FMOD: variants seen among roughly 807,000 people sequenced by gnomAD.
FMOD encodes fibromodulin.
FMOD carries 15 observed loss-of-function variants against 27.0 expected under a neutral mutation model. The observed-to-expected ratio is 0.55, with a 90% CI of 0.37 to 0.85. The LOEUF (loss-of-function observed/expected upper bound fraction) is 0.85, where lower values mean the gene tolerates loss of function less well. Ranked by LOEUF, FMOD falls within the 40% of genes least tolerant of loss-of-function variation. The pLI is 0.00. For missense variants in FMOD, 460 were observed against 483.2 expected (o/e 0.95, Z 0.45); for synonymous variants, 210 against 214.0 (o/e 0.98, Z 0.16).
chr1:203,348,707 G>A (rs1658940051), intron 1 of FMOD, among the ~76,000 whole-genome samples: 2 of 152,192 alleles, frequency 1.3e-5, no homozygotes, highest in South Asian at 4.1e-4. Flanking sequence ...ATCCAGTTTG[G>A]ATGTTCCGGG....
chr1:203,342,454 C>A lies in FMOD; in HGVS notation c.1020G>T (p.Val340=). The A allele has an allele frequency of 1.2e-6, 2 of 1,614,170 alleles. No individual in the cohort carries two copies. Among genetic ancestry groups the A allele is most frequent in the Non-Finnish European group, 8.5e-7 (1 of 1,179,998 alleles). The change falls in exon 3 of 3, where the codon GTG becomes GTT. Residue 340 remains valine, a synonymous_variant. Transcript: ENST00000354955. ...ISSFCTVVDV[V]NFSKLQVLRL... is the part of the protein sequence containing the mutation. ...GCAGCACCTGCAGCTTGGAGAAGTT[C>A]ACGACGTCCACCACGGTGCAGAAGC...
intron 2 of FMOD, among the ~76,000 whole-genome samples, chr1:203,343,196 A>G (rs1658827276): frequency 6.6e-6 from 1 of 151,968 alleles, no homozygotes; most frequent in Non-Finnish European, 1.5e-5. Flanking sequence ...ATTACAATCT[A>G]CTCCCTTTTT....
intron 2 of FMOD, 89 bp downstream of exon 2, chr1:203,347,203 A>G (rs1318465097): frequency 6.8e-7 from 1 of 1,468,224 alleles, no homozygotes; most frequent in Non-Finnish European, 9.2e-7. Context: ...CCCTATTTCT[A>G]TTTCTTTTGT....
In FMOD at chr1:203,342,136, A is replaced by G; in HGVS notation, c.*207T>C. 1.9e-6 allele frequency: 1 copy of G among 534,054 alleles called. No homozygotes were observed. Among genetic ancestry groups the G allele is most frequent in the Non-Finnish European group, 3.3e-6 (1 of 307,442 alleles). The allele number at this position is 534,054 out of a possible 1,614,324, so 33.1% of individuals were successfully genotyped here. On this transcript the variant is annotated 3_prime_UTR_variant, in exon 3 of 3. Coordinates refer to ENST00000354955, the MANE Select transcript of FMOD (RefSeq NM_002023.5). Reference sequence around the variant, plus strand: ...TCTACCACCACTTCTGTCCCTGGAAAAGAGTGAGCTTCTGCCTATGTCCTC... The same window carrying G: ...TCTACCACCACTTCTGTCCCTGGAAGAGAGTGAGCTTCTGCCTATGTCCTC...
intron 2 of FMOD, among the ~76,000 whole-genome samples, chr1:203,345,941 C>A (rs567221629): frequency 1.3e-5 from 2 of 151,348 alleles, no homozygotes; most frequent in African/African-American, 4.9e-5. Flanking sequence ...TCAATCCCCA[C>A]CTTGGGAATA....
intron 2 of FMOD, 123 bp from the exon 3 acceptor site, chr1:203,342,617 G>T: frequency 1.0e-6 from 1 of 952,780 alleles, no homozygotes; most frequent in Non-Finnish European, 1.6e-6. Context: ...ATGGAGGGCA[G>T]ATGTTTTCCA....
rs202176996 is a variant in FMOD at position 203,348,174 on chromosome 1, T to C, written c.97A>G (p.Ser33Gly). The C allele has an allele frequency of 6.2e-7, 1 of 1,614,132 alleles. No homozygotes were observed. The highest frequency in any genetic ancestry group is 1.3e-5 in the African/African-American group (1 of 75,032). Reference sequence around the variant, plus strand: ...GGATCGTAGTAGGTGGACTGCTGGCTGCGGAGGTAGTGGAACCACCAATGA... The same window carrying C: ...GGATCGTAGTAGGTGGACTGCTGGCCGCGGAGGTAGTGGAACCACCAATGA... Reference protein sequence around the residue: ...DPHWWFHYLRSQQSTYYDPYD... With the variant: ...DPHWWFHYLRGQQSTYYDPYD... Residue 33 changes from serine (S) to glycine (G), a missense_variant, in exon 2 of 3, where the codon AGC becomes GGC. Transcript: ENST00000354955.
At position 203,348,146 on chromosome 1, in the gene FMOD, T is replaced by G. The variant is rs115908597; in HGVS notation, c.125A>C (p.Tyr42Ser). ...GTAGGTCTCATACGGGTAAGGGTCA[T>G]AGGGATCGTAGTAGGTGGACTGCTG... Reference protein sequence around the residue: ...RSQQSTYYDPYDPYPYETYEP... With the variant: ...RSQQSTYYDPSDPYPYETYEP... The change falls in exon 2 of 3, where the codon TAT (tyrosine) becomes TCT (serine). Residue 42 changes from tyrosine to serine, a missense_variant. Coordinates refer to ENST00000354955, the MANE Select transcript of FMOD (RefSeq NM_002023.5). 751 of 1,614,024 alleles carry G rather than the reference T, an allele frequency of 4.7e-4. 3 individuals are homozygous for G. In the African/African-American group the frequency reaches 9.1e-3, roughly 20 times the overall value.
chr1:203,343,345 CA>C (rs1260784645), intron 2 of FMOD, among the ~76,000 whole-genome samples: 1 of 152,186 alleles, frequency 6.6e-6, no homozygotes, highest in Non-Finnish European at 1.5e-5. Context: ...TCCTCTTTGA[CA>C]AATCAACCAC....
At chr1:203,348,878 T>C (rs1360459935) in intron 1 of FMOD, among the ~76,000 whole-genome samples, 1 of 151,926 alleles carries the variant, frequency 6.6e-6, no homozygotes, top group Non-Finnish European at 1.5e-5. Context: ...TGGGGAGGAG[T>C]GTGGTCCCTC....
chr1:203,342,256 A>G lies in FMOD; in HGVS notation c.*87T>C, dbSNP rs1658807603. ...CCCGTGGACTTCTGTCACATGGTCCATCCTGGACCTTCCAGCAAAAGCCAA... is the reference window on the plus strand; with the variant it reads ...CCCGTGGACTTCTGTCACATGGTCCGTCCTGGACCTTCCAGCAAAAGCCAA... On this transcript the variant is annotated 3_prime_UTR_variant, in exon 3 of 3. Coordinates refer to ENST00000354955, the MANE Select transcript of FMOD (RefSeq NM_002023.5). 1 of 1,522,842 alleles carries G rather than the reference A, an allele frequency of 6.6e-7. No homozygotes were observed. Among genetic ancestry groups the G allele is most frequent in the Non-Finnish European group, 8.9e-7 (1 of 1,124,364 alleles). 94.3% of individuals were successfully genotyped at this position (1,522,842 alleles called of 1,614,324 possible). A position where few individuals can be genotyped will look rare whatever the true frequency, so the allele number is the denominator to read the frequency against.
At chr1:203,347,210 T>C in intron 2 of FMOD, 82 bp downstream of exon 2, 5 of 1,490,130 alleles carry the variant, frequency 3.4e-6, no homozygotes, top group Non-Finnish European at 4.5e-6. Context: ...TCTATTTCTT[T>C]TGTTTTGCCA....
rs538304008 is a variant in FMOD, at chr1:203,342,289, C to T, written c.*54G>A. ...CCTTCCAGCAAAAGCCAAACCAAAC[C>T]ATCAAGCCAAATGCCACGGGGGCTC... On this transcript the variant is annotated 3_prime_UTR_variant, in exon 3 of 3. Coordinates refer to ENST00000354955, the MANE Select transcript of FMOD (RefSeq NM_002023.5). The T allele has an allele frequency of 1.4e-4, 220 of 1,573,512 alleles. No individual in the cohort carries two copies. The African/African-American group carries it at 2.6e-3, about 19-fold the overall frequency.
rs989612351 is a variant in FMOD at position 203,348,219 on chromosome 1, C to T, written c.52G>A (p.Ala18Thr). Residue 18 changes from alanine to threonine, a missense_variant, in exon 2 of 3, where the codon GCC (alanine) becomes ACC (threonine). Physicochemically the swap from Ala to Thr is moderately conservative, Grantham distance 58 (BLOSUM62 0). Transcript: ENST00000354955. Reference protein sequence around the residue: ...LLAGLFSLSQAQYEDDPHWWF... With the variant: ...LLAGLFSLSQTQYEDDPHWWF... Reference sequence around the variant, plus strand: ...CAATGAGGGTCATCTTCATACTGGGCCTGGGAGAGGGAGAAGAGCCCTGCC... The same window carrying T: ...CAATGAGGGTCATCTTCATACTGGGTCTGGGAGAGGGAGAAGAGCCCTGCC... 8 of 1,613,968 alleles carry T rather than the reference C, an allele frequency of 5.0e-6. No homozygotes were observed. The highest frequency in any genetic ancestry group is 6.8e-6 in the Non-Finnish European group (8 of 1,180,014).
In FMOD at chr1:203,347,958, AG is replaced by A; in HGVS notation, c.312del (p.Ser105ProfsTer3). 1 of 1,606,196 alleles carries A rather than the reference AG, an allele frequency of 6.2e-7. No homozygotes were observed. The highest frequency in any genetic ancestry group is 8.5e-7 in the Non-Finnish European group (1 of 1,174,358). ...TGGAAGTACACATACTTCATGCGGGAGGGAACGAAGGGCAGGTACTTGAGGT... is the reference window on the plus strand; with the variant it reads ...TGGAAGTACACATACTTCATGCGGGAGGAACGAAGGGCAGGTACTTGAGGT... ...NRNLKYLPFV[P>X]SRMKYVYFQN... On this transcript the variant is annotated frameshift_variant, in exon 2 of 3. Coordinates refer to ENST00000354955, the MANE Select transcript of FMOD (RefSeq NM_002023.5). LOFTEE classifies it high-confidence loss of function.
rs1658800505 is a variant in FMOD, at chr1:203,341,938, C to G, written c.*405G>C. 6.1e-6 allele frequency: 1 copy of G among 164,812 alleles called. No individual in the cohort carries two copies. 10.2% of individuals were successfully genotyped at this position (164,812 alleles called of 1,614,324 possible). ...AGCCCAGAGTAACTGCACGACCAGC[C>G]CAGCACAGAGGGAGAGCTGTCAAGT... is the stretch of plus-strand genomic sequence containing the variant. On this transcript the variant is annotated 3_prime_UTR_variant, in exon 3 of 3. Coordinates refer to ENST00000354955, the MANE Select transcript of FMOD (RefSeq NM_002023.5).
chr1:203,342,600 G>T, intron 2 of FMOD, 106 bp from the exon 3 acceptor site: 2 of 1,175,906 alleles, frequency 1.7e-6, no homozygotes, highest in Non-Finnish European at 2.4e-6. Context: ...AGGGGTGGAA[G>T]TTGGGGATGG....
intron 2 of FMOD, among the ~76,000 whole-genome samples, chr1:203,346,402 T>G (rs1039390680): frequency 6.6e-5 from 10 of 151,734 alleles, no homozygotes; most frequent in African/African-American, 2.2e-4. Context: ...AATGTAAGCA[T>G]GTTCTGAATA....
chr1:203,342,948 C>T (rs963039732), intron 2 of FMOD, among the ~76,000 whole-genome samples: 1 of 152,054 alleles, frequency 6.6e-6, no homozygotes, highest in African/African-American at 2.4e-5. Flanking sequence ...AATGGAGGGA[C>T]TTAATACTTT....
Sources: gnomAD v4.1 joint callset for allele counts (sites outside exome capture counted in the v4.1 genomes callset) on GRCh38, gnomAD v4.1.1 for gene constraint, MANE v1.5 for transcripts, NCBI Gene and HGNC (gene_info 2026-07-23, HGNC 2026-07-21) for gene names.